Variants in SCUBE2 observed in about 807,000 individuals in gnomAD.
SCUBE2 encodes signal peptide, CUB domain and EGF like domain containing 2.
In SCUBE2, 114 loss-of-function variants were observed where a neutral mutation model predicts 125.9. That is an observed-to-expected ratio of 0.91 (90% CI 0.78 to 1.06). The LOEUF (loss-of-function observed/expected upper bound fraction) is 1.06, where lower values mean the gene tolerates loss of function less well. Among genes scored for constraint, SCUBE2 ranks in the 50% least tolerant of loss-of-function variants. The pLI, the probability that SCUBE2 is intolerant of heterozygous loss-of-function variation, is 0.00. For missense variants in SCUBE2, 1,255 were observed against 1,301.8 expected, an observed-to-expected ratio of 0.96 and a Z score of 0.55; for synonymous variants, 459 against 492.9, an observed-to-expected ratio of 0.93 and a Z score of 0.91.
chr11:9,076,952 T>C (rs895659856), intron 3 of SCUBE2, among the ~76,000 whole-genome samples: 3 of 152,222 alleles, frequency 2.0e-5, no homozygotes, highest in African/African-American at 7.2e-5. Context: ...TCTGTCTCCC[T>C]GAACACCAAC....
intron 15 of SCUBE2, 34 bp downstream of exon 15, chr11:9,047,899 CAAGCCGTGAG>C (rs760051578): frequency 4.4e-5 from 69 of 1,563,342 alleles, no homozygotes; most frequent in Non-Finnish European, 5.8e-5. Context: ...AAATAAGGAG[CAAGCCGTGAG>C]AAGCCTGGCA....
At chr11:9,038,216 C>A (rs1469051764) in intron 16 of SCUBE2, among the ~76,000 whole-genome samples, 1 of 151,996 alleles carries the variant, frequency 6.6e-6, no homozygotes, top group Non-Finnish European at 1.5e-5. Flanking sequence ...TAATAGAATG[C>A]AAGTAGTAGT....
intron 17 of SCUBE2, 52 bp from the exon 18 acceptor site, chr11:9,030,977 T>C (rs150549458): frequency 1.3e-6 from 2 of 1,546,306 alleles, no homozygotes; most frequent in East Asian, 4.6e-5. Context: ...AGACCCTTGC[T>C]CCCCACTCTC....
intron 8 of SCUBE2, 166 bp from the exon 9 acceptor site, chr11:9,059,591 T>A (rs933642212): frequency 7.9e-6 from 7 of 886,084 alleles, no homozygotes; most frequent in Non-Finnish European, 1.1e-5. Flanking sequence ...ACATGTTTTC[T>A]TATCTGGCTT....
chr11:9,082,523 A>T (rs1313895116), intron 2 of SCUBE2, among the ~76,000 whole-genome samples: 1 of 152,000 alleles, frequency 6.6e-6, no homozygotes, highest in Non-Finnish European at 1.5e-5. Flanking sequence ...ACTTTCATGC[A>T]AGTGTTCACA....
chr11:9,078,466 C>G (rs147718984), intron 3 of SCUBE2, among the ~76,000 whole-genome samples: 48 of 152,372 alleles, frequency 3.2e-4, no homozygotes, highest in African/African-American at 1.1e-3. Context: ...CAACACACAA[C>G]ACACAAGTTC....
chr11:9,066,734 T>G lies in SCUBE2; in HGVS notation c.723A>C (p.Pro241=). 6.2e-7 allele frequency: 1 copy of G among 1,614,174 alleles called. No homozygotes were observed. The highest frequency in any genetic ancestry group is 8.5e-7 in the Non-Finnish European group (1 of 1,180,004). ...TCCCATCTGTGTGCATCTTGTACTG[T>G]GGATGGCAGCTGCACTCTGGGCCAT... ...TADGPECSCH[P]QYKMHTDGRS... Residue 241 remains proline, a synonymous_variant, in exon 6 of 23, where the codon CCA becomes CCC. Coordinates refer to ENST00000649792, the MANE Select transcript of SCUBE2 (RefSeq NM_001367977.2).
intron 15 of SCUBE2, 150 bp from the exon 16 acceptor site, chr11:9,047,712 G>T: frequency 1.1e-6 from 1 of 947,414 alleles, no homozygotes. Flanking sequence ...AGGCTGGGCA[G>T]CATTTGATTC....
Position 9,029,877 on chromosome 11 carries a change from G to T in SCUBE2, c.2503+7C>A. The T allele has an allele frequency of 6.2e-7, 1 of 1,614,124 alleles. No homozygotes were observed. The highest frequency in any genetic ancestry group is 1.1e-5 in the South Asian group (1 of 91,086). ...AGAACTATGAAAAGCCTTAGAGAGG[G>T]ACCTACTTTTACACTGGGTTATGTT... On this transcript the variant is annotated splice_region_variant and intron_variant, in intron 19 of 22. Transcript: ENST00000649792.
intron 21 of SCUBE2, among the ~76,000 whole-genome samples, chr11:9,024,946 A>G (rs1008153836): frequency 6.6e-6 from 1 of 152,236 alleles, no homozygotes; most frequent in South Asian, 2.1e-4. Context: ...CTGACATAGT[A>G]GATGCTCATT....
intron 2 of SCUBE2, among the ~76,000 whole-genome samples, chr11:9,087,392 C>A (rs1862182031): frequency 1.3e-5 from 2 of 152,092 alleles, no homozygotes; most frequent in African/African-American, 4.8e-5. Context: ...AGCAGGGTAC[C>A]AACATGTGTG....
intron 2 of SCUBE2, among the ~76,000 whole-genome samples, chr11:9,080,648 CAAA>C (rs111895309): frequency 1.7e-5 from 2 of 121,066 alleles, no homozygotes; most frequent in Non-Finnish European, 1.8e-5. Context: ...GACCCTATCT[CAAA>C]AAAAAAAAAA....
intron 6 of SCUBE2, 123 bp from the exon 7 acceptor site, chr11:9,066,103 G>T: frequency 1.5e-6 from 1 of 677,102 alleles, no homozygotes. Flanking sequence ...CTCTGTTCAC[G>T]CAATAAAAAT....
Position 9,066,754 on chromosome 11 carries a change from G to C in SCUBE2, c.703C>G (p.Pro235Ala). Residue 235 changes from proline (P) to alanine (A), a missense_variant, in exon 6 of 23, where the codon CCA (proline) becomes GCA (alanine). Coordinates refer to ENST00000649792, the MANE Select transcript of SCUBE2 (RefSeq NM_001367977.2). ...QHSCDDTADG[P>A]ECSCHPQYKM... ...TACTGTGGATGGCAGCTGCACTCTG[G>C]GCCATCGGCTGTATCGTCACAGGAG... 2.5e-6 allele frequency: 4 copies of C among 1,614,108 alleles called. No homozygotes were observed. The South Asian group carries it at 4.4e-5, about 18-fold the overall frequency.
rs1053905431 is a variant in SCUBE2 at position 9,047,372 on chromosome 11, A to C, written c.1986T>G (p.His662Gln). The change falls in exon 16 of 23, where the codon CAT becomes CAG. Residue 662 changes from histidine (H) to glutamine (Q), a missense_variant. This residue lies in a region of SCUBE2 where 515 missense variants were observed against 515.7 expected (regional missense o/e 1.00). Coordinates refer to ENST00000649792, the MANE Select transcript of SCUBE2 (RefSeq NM_001367977.2). Reference sequence around the variant, plus strand: ...GCCACTCACCACATTGGTTTTCTGCATGACCCTGGCCCACTCCACAGGACT... The same window carrying C: ...GCCACTCACCACATTGGTTTTCTGCCTGACCCTGGCCCACTCCACAGGACT... ...QAESCGVGQG[H>Q]AENQCVSCRA... 1.5e-5 allele frequency: 25 copies of C among 1,614,186 alleles called. No individual in the cohort carries two copies. Among genetic ancestry groups the C allele is most frequent in the African/African-American group, 2.7e-5 (2 of 75,032 alleles).
At chr11:9,080,780 C>A (rs1435855029) in intron 2 of SCUBE2, among the ~76,000 whole-genome samples, 2 of 151,644 alleles carry the variant, frequency 1.3e-5, no homozygotes, top group Non-Finnish European at 1.5e-5. Context: ...AAATTAAGAA[C>A]TTTTGCTCTT....
At chr11:9,033,061 G>T (rs1333697043) in intron 17 of SCUBE2, among the ~76,000 whole-genome samples, 2 of 152,036 alleles carry the variant, frequency 1.3e-5, no homozygotes, top group African/African-American at 4.8e-5. Context: ...TGTCAATACA[G>T]CCAGCCCTTC....
At chr11:9,060,370 A>G (rs771362336) in intron 8 of SCUBE2, 38 bp downstream of exon 8, 223 of 1,522,136 alleles carry the variant, frequency 1.5e-4, no homozygotes, top group Non-Finnish European at 2.0e-4. Context: ...CTCCCTCCAT[A>G]ACAGGGCACC....
chr11:9,065,820 G>T, intron 7 of SCUBE2, 71 bp downstream of exon 7: 1 of 1,342,048 alleles, frequency 7.5e-7, no homozygotes, highest in South Asian at 1.2e-5. Context: ...CCAAGTTCAG[G>T]TCTGATGCAA....
Sources: allele counts gnomAD v4.1 joint callset (sites outside exome capture counted in the v4.1 genomes callset), GRCh38; gene constraint gnomAD v4.1.1; regional missense constraint gnomAD v4.1.1; transcripts MANE v1.5; gene names NCBI Gene and HGNC (gene_info 2026-07-23, HGNC 2026-07-21).